CPLX2: variants seen among roughly 807,000 people sequenced by gnomAD.
The protein encoded by CPLX2 is complexin 2.
CPLX2 carries 5 observed loss-of-function variants against 16.3 expected under a neutral mutation model. The ratio of observed to expected loss-of-function variants is 0.31; its 90% CI spans 0.16 to 0.64. CPLX2 has a LOEUF of 0.64. Among genes scored for constraint, CPLX2 ranks in the 30% least tolerant of loss-of-function variants. The pLI is 0.79. For missense variants in CPLX2, 144 were observed against 181.4 expected (o/e 0.79, Z 1.18); for synonymous variants, 89 against 73.2 (o/e 1.22, Z -1.10).
rs1300281007 is a variant in CPLX2, at chr5:175,818,663, T to TTC, written c.-89+9596_-89+9597insCT. ...TGCTGTCCCAACCTTTTTTTTTTTT[T>TTC]TTTTTTTTTTTTTTTTGAGACAGAG... On this transcript the variant is annotated intron_variant, in intron 2 of 4. Transcript: ENST00000359546. Among the ~76,000 whole-genome samples the TTC allele has an allele frequency of 4.0e-5, 5 of 125,202 alleles. No individual in the cohort carries two copies. In the East Asian group the frequency reaches 1.2e-3, roughly 29 times the overall value. 82.1% of individuals were successfully genotyped at this position (125,202 alleles called of 152,430 possible). A position where few individuals can be genotyped will look rare whatever the true frequency, so the allele number is the denominator to read the frequency against.
At position 175,883,051 on chromosome 5, in the gene CPLX2, C is replaced by T. The variant is rs765322777; in HGVS notation, c.*3006C>T. On this transcript the variant is annotated 3_prime_UTR_variant, in exon 4 of 4. Coordinates refer to ENST00000393745, the MANE Select transcript of CPLX2 (RefSeq NM_001008220.2). ...AGGAGTGGCCCCAGAATTCAGCACG[C>T]ACACAACACACAAGGGAGAGAACCC... The T allele has an allele frequency of 6.6e-6, 1 of 152,220 alleles. No homozygotes were observed. The highest frequency in any genetic ancestry group is 1.5e-5 in the Non-Finnish European group (1 of 68,076). 9.4% of individuals were successfully genotyped at this position (152,220 alleles called of 1,614,324 possible).
intron 1 of CPLX2, among the ~76,000 whole-genome samples, chr5:175,799,550 A>G (rs4008071): frequency 2.6e-5 from 1 of 38,490 alleles, no homozygotes; most frequent in Non-Finnish European, 4.4e-5. Flanking sequence ...ATATATATAT[A>G]TATATATATA....
rs914088905 is a variant in CPLX2, at chr5:175,882,349, C to T, written c.*2304C>T. On this transcript the variant is annotated 3_prime_UTR_variant, in exon 4 of 4. Coordinates refer to ENST00000393745, the MANE Select transcript of CPLX2 (RefSeq NM_001008220.2). Reference sequence around the variant, plus strand: ...CCTCCCCAGTCCCAGTGTGCGAGCCCCACTTGGACACAAGTGTTCAGAGAG... The same window carrying T: ...CCTCCCCAGTCCCAGTGTGCGAGCCTCACTTGGACACAAGTGTTCAGAGAG... 1 of 152,668 alleles carries T rather than the reference C, an allele frequency of 6.6e-6. No homozygotes were observed. Among genetic ancestry groups the T allele is most frequent in the African/African-American group, 2.4e-5 (1 of 41,440 alleles). 9.5% of individuals were successfully genotyped at this position (152,668 alleles called of 1,614,324 possible).
chr5:175,838,946 G>A (rs923138625), intron 2 of CPLX2, among the ~76,000 whole-genome samples: 3 of 152,246 alleles, frequency 2.0e-5, no homozygotes, highest in Non-Finnish European at 4.4e-5. Flanking sequence ...TCTCCTAAGA[G>A]CAAGTAACCC....
At chr5:175,859,048 C>T (rs1477480175) in intron 2 of CPLX2, among the ~76,000 whole-genome samples, 1 of 152,234 alleles carries the variant, frequency 6.6e-6, no homozygotes, top group South Asian at 2.1e-4. Flanking sequence ...CCTCACCAAC[C>T]TAGCATACAG....
At chr5:175,829,392 G>T (rs1252175994) in intron 2 of CPLX2, among the ~76,000 whole-genome samples, 1 of 152,100 alleles carries the variant, frequency 6.6e-6, no homozygotes, top group Admixed American at 6.6e-5. Context: ...CGGGAAGAAG[G>T]CCCCGCTCCC....
chr5:175,880,028 G>A lies in CPLX2; in HGVS notation c.388G>A (p.Asp130Asn). The change falls in exon 4 of 4, where the codon GAC (aspartate) becomes AAC (asparagine). Residue 130 changes from aspartate (D) to asparagine (N), a missense_variant. Transcript: ENST00000393745. ...CAAATACCTGCCCGGGCCGCTGCAGGACATGTTCAAGAAGTAACCAGGCCT... is the reference window on the plus strand; with the variant it reads ...CAAATACCTGCCCGGGCCGCTGCAGAACATGTTCAAGAAGTAACCAGGCCT... The part of the protein sequence containing the change: ...VLKYLPGPLQ[D>N]MFKK The A allele has an allele frequency of 6.2e-7, 1 of 1,613,050 alleles. No homozygotes were observed. Among genetic ancestry groups the A allele is most frequent in the Non-Finnish European group, 8.5e-7 (1 of 1,179,578 alleles).
upstream of CPLX2, among the ~76,000 whole-genome samples, chr5:175,870,318 T>C (rs1446408363): frequency 6.6e-6 from 1 of 151,256 alleles, no homozygotes; most frequent in African/African-American, 2.4e-5. Flanking sequence ...GGTGGGGGGG[T>C]CTCCTGCTTT....
rs978982760 is a variant in CPLX2 at position 175,845,802 on chromosome 5, C to A, written c.-88-32850C>A. Among the ~76,000 whole-genome samples the A allele has an allele frequency of 2.6e-5, 4 of 152,076 alleles. No homozygotes were observed. Among genetic ancestry groups the A allele is most frequent in the Admixed American group, 1.3e-4 (2 of 15,270 alleles). On this transcript the variant is annotated intron_variant, in intron 2 of 4. Transcript: ENST00000359546. This position sits in a 1 kb window ranked among gnomAD's most constrained non-coding sequence, Gnocchi z 4.0. ...CAGATAACAGAGGCAGAACTTACAC[C>A]CAGGCCTTTGGGCTGCTAAGGGCAA...
intron 2 of CPLX2, among the ~76,000 whole-genome samples, chr5:175,839,471 G>A (rs1298096081): frequency 2.0e-5 from 3 of 152,054 alleles, no homozygotes; most frequent in Non-Finnish European, 4.4e-5. Flanking sequence ...TTTTAATAGA[G>A]ATGGGGTTTC....
At chr5:175,838,467 A>G (rs1758884078) in intron 2 of CPLX2, among the ~76,000 whole-genome samples, 1 of 151,820 alleles carries the variant, frequency 6.6e-6, no homozygotes, top group Admixed American at 6.6e-5. Flanking sequence ...ATGGGGTTTC[A>G]CCGTGTTAGC....
At position 175,849,740 on chromosome 5, in the gene CPLX2, C is replaced by T. The variant is rs147455819; in HGVS notation, c.-88-28912C>T. Reference sequence around the variant, plus strand: ...TCTCGGTGTTATAGCTCCCCTGCTGCGTGAGCTCCAACAGGGCCCTGGACC... The same window carrying T: ...TCTCGGTGTTATAGCTCCCCTGCTGTGTGAGCTCCAACAGGGCCCTGGACC... On this transcript the variant is annotated intron_variant, in intron 2 of 4. Coordinates refer to the CPLX2 transcript ENST00000359546. This position sits in a 1 kb window ranked among gnomAD's most constrained non-coding sequence, Gnocchi z 4.4. Among the ~76,000 whole-genome samples, 490 of 152,172 alleles carry T rather than the reference C, an allele frequency of 3.2e-3. 1 individual carries two copies. The highest frequency in any genetic ancestry group is 0.011 in the African/African-American group (465 of 41,524).
chr5:175,833,371 G>A (rs2113659773), intron 2 of CPLX2, among the ~76,000 whole-genome samples: 1 of 152,230 alleles, frequency 6.6e-6, no homozygotes, highest in South Asian at 2.1e-4. Context: ...TGACCCCAGA[G>A]AACTCGTGGT....
chr5:175,804,909 C>G (rs1411891295), intron 1 of CPLX2, among the ~76,000 whole-genome samples: 2 of 152,188 alleles, frequency 1.3e-5, no homozygotes, highest in Non-Finnish European at 2.9e-5. Flanking sequence ...CATTTTAAAC[C>G]AGCAAGTTTT....
rs151031940 is a variant in CPLX2, at chr5:175,823,493, A to C, written c.-89+14425A>C. Among the ~76,000 whole-genome samples, 541 of 152,338 alleles carry C rather than the reference A, an allele frequency of 3.6e-3. 2 individuals carry two copies. Among genetic ancestry groups the C allele is most frequent in the Non-Finnish European group, 4.5e-3 (307 of 68,038 alleles). ...ATGAATGGTTCAGAGATAACTGGTG[A>C]GATCAGTTTGGAATGGGCTTAGCCT... On this transcript the variant is annotated intron_variant, in intron 2 of 4. Coordinates refer to the CPLX2 transcript ENST00000359546.
At chr5:175,857,716 A>G (rs1759286447) in intron 2 of CPLX2, among the ~76,000 whole-genome samples, 1 of 152,196 alleles carries the variant, frequency 6.6e-6, no homozygotes, top group Admixed American at 6.5e-5. Context: ...TACAAACTCA[A>G]AAAAATCATA....
At chr5:175,873,464 C>G (rs914832380) in intron 1 of CPLX2, among the ~76,000 whole-genome samples, 8 of 152,080 alleles carry the variant, frequency 5.3e-5, no homozygotes, top group Non-Finnish European at 8.8e-5. Flanking sequence ...AAACAAGATA[C>G]TGGTCCTGTC....
intron 2 of CPLX2, among the ~76,000 whole-genome samples, chr5:175,844,586 G>A (rs1430147332): frequency 6.6e-6 from 1 of 152,232 alleles, no homozygotes; most frequent in Non-Finnish European, 1.5e-5. Flanking sequence ...TTGGGAGGCA[G>A]CCTGAATTTG....
chr5:175,836,175 C>T (rs1413526839), intron 2 of CPLX2, among the ~76,000 whole-genome samples: 3 of 151,970 alleles, frequency 2.0e-5, no homozygotes, highest in Non-Finnish European at 4.4e-5. Context: ...ACGGTGAAAC[C>T]CCGTCTCTAC....
Sources: allele counts gnomAD v4.1 joint callset (sites outside exome capture counted in the v4.1 genomes callset), GRCh38; gene constraint gnomAD v4.1.1; non-coding constraint Gnocchi (gnomAD v3.1); transcripts MANE v1.5; gene names NCBI Gene and HGNC (gene_info 2026-07-23, HGNC 2026-07-21).